The following TTC6 variants were observed in gnomAD, a reference collection of about 807,000 sequenced individuals.
TTC6 encodes the protein tetratricopeptide repeat protein 6.
A neutral mutation model predicts 210.4 loss-of-function variants in TTC6; 172 were observed. The observed-to-expected ratio is 0.82, with a 90% CI of 0.72 to 0.93. TTC6 has a LOEUF of 0.93. Ranked by LOEUF, TTC6 falls within the 40% of genes least tolerant of loss-of-function variation. The pLI, the probability that TTC6 is intolerant of heterozygous loss-of-function variation, is 0.00. For missense variants in TTC6, 2,414 were observed against 2,318.1 expected, an observed-to-expected ratio of 1.04 and a Z score of -0.85; for synonymous variants, 804 against 819.6, an observed-to-expected ratio of 0.98 and a Z score of 0.32.
chr14:37,642,279 G>A (rs904904906), intron 1 of TTC6, among the ~76,000 whole-genome samples: 34 of 152,154 alleles, frequency 2.2e-4, no homozygotes, highest in African/African-American at 8.2e-4. Context: ...TGGTAGGAGC[G>A]GTGGGTGTGG....
chr14:37,744,586 C>T (rs1052679366), intron 10 of TTC6, among the ~76,000 whole-genome samples: 2 of 152,096 alleles, frequency 1.3e-5, no homozygotes, highest in East Asian at 1.9e-4. Context: ...TGGAAAGAAG[C>T]GAGGTTGAGG....
intron 2 of TTC6, among the ~76,000 whole-genome samples, chr14:37,612,490 T>C (rs1162311495): frequency 6.6e-6 from 1 of 152,262 alleles, no homozygotes; most frequent in Non-Finnish European, 1.5e-5. Context: ...CATTTGAATT[T>C]ATGTATACAT....
Position 37,819,953 on chromosome 14 carries a change from C to A in TTC6, c.4763+2302C>A, listed in dbSNP as rs2096151672. Among the ~76,000 whole-genome samples the A allele has an allele frequency of 2.0e-5, 3 of 152,328 alleles. No homozygotes were observed. The South Asian group carries it at 6.2e-4, about 32-fold the overall frequency. On this transcript the variant is annotated intron_variant, in intron 26 of 30. Coordinates refer to ENST00000553443, the Ensembl canonical transcript of TTC6. ...TCATATTGCTCTAGATTTATGCGAA[C>A]ACATTTTATTTTAGAAAAACTCATT...
chr14:37,611,610 G>A (rs1393826327), intron 2 of TTC6, among the ~76,000 whole-genome samples: 1 of 152,138 alleles, frequency 6.6e-6, no homozygotes, highest in East Asian at 1.9e-4. Flanking sequence ...CTGGTGGAAG[G>A]GAGAGGTAGG....
intron 14 of TTC6, among the ~76,000 whole-genome samples, chr14:37,769,215 T>C (rs939788043): frequency 5.3e-5 from 8 of 152,070 alleles, no homozygotes; most frequent in African/African-American, 1.7e-4. Context: ...AGTATTTTAT[T>C]GAGGATTTTT....
chr14:37,710,939 T>C (rs1300405732), intron 5 of TTC6, among the ~76,000 whole-genome samples: 2 of 152,080 alleles, frequency 1.3e-5, no homozygotes, highest in African/African-American at 2.4e-5. Context: ...TTGAGTACCT[T>C]AGTGGTTTTC....
chr14:37,751,002 T>C, intron 12 of TTC6, 51 bp from the exon 15 acceptor site: 2 of 1,246,870 alleles, frequency 1.6e-6, no homozygotes, highest in Non-Finnish European at 2.1e-6. Flanking sequence ...AAAATTTTCA[T>C]AGGAATGAAA....
At chr14:37,798,522 T>C (rs567163876) in intron 20 of TTC6, among the ~76,000 whole-genome samples, 7 of 152,196 alleles carry the variant, frequency 4.6e-5, no homozygotes, top group African/African-American at 1.7e-4. Context: ...CTTTTGGGTT[T>C]ATAACTAGGA....
At chr14:37,690,806 A>G (rs2044919908) in intron 3 of TTC6, among the ~76,000 whole-genome samples, 1 of 151,846 alleles carries the variant, frequency 6.6e-6, no homozygotes, top group African/African-American at 2.4e-5. Context: ...ACAGCATTGG[A>G]CAGGTCTTAT....
intron 1 of TTC6, among the ~76,000 whole-genome samples, chr14:37,677,436 T>G (rs1431937383): frequency 6.6e-6 from 1 of 150,582 alleles, no homozygotes; most frequent in African/African-American, 2.4e-5. Context: ...CTCTAGTAGG[T>G]TTTTTTTGTA....
chr14:37,646,776 A>G (rs932076528), intron 1 of TTC6, among the ~76,000 whole-genome samples: 3 of 152,200 alleles, frequency 2.0e-5, no homozygotes, highest in East Asian at 3.8e-4. Flanking sequence ...ACTGCTACCA[A>G]TGCAGAATGA....
chr14:37,774,957 A>G lies in TTC6; in HGVS notation c.3267-12511A>G, dbSNP rs866312035. ...TCAGGGTCAATTTGTTCCTATTTCA[A>G]TTTTGGGAGGGTATATGTTTCCAGG... On this transcript the variant is annotated intron_variant, in intron 14 of 30. Coordinates refer to ENST00000553443, the Ensembl canonical transcript of TTC6. 2.6e-5 allele frequency among the ~76,000 whole-genome samples: 4 copies of G among 152,074 alleles called. No individual in the cohort carries two copies. The South Asian group carries it at 8.3e-4, about 32-fold the overall frequency.
At chr14:37,703,035 G>A (rs1480409916) in intron 5 of TTC6, among the ~76,000 whole-genome samples, 1 of 151,994 alleles carries the variant, frequency 6.6e-6, no homozygotes, top group Non-Finnish European at 1.5e-5. Context: ...CTGCTCCAGT[G>A]TCTCCAATAG....
At chr14:37,832,235 T>A (rs1201743418) in intron 29 of TTC6, among the ~76,000 whole-genome samples, 1 of 151,834 alleles carries the variant, frequency 6.6e-6, no homozygotes, top group Non-Finnish European at 1.5e-5. Context: ...GTTTTGTTTA[T>A]CTTTACAAAA....
upstream of TTC6, among the ~76,000 whole-genome samples, chr14:37,620,089 GA>G (rs1342615516): frequency 6.6e-6 from 1 of 152,042 alleles, no homozygotes; most frequent in Non-Finnish European, 1.5e-5. Flanking sequence ...TATTACAAAT[GA>G]AATTTTACCA....
intron 1 of TTC6, among the ~76,000 whole-genome samples, chr14:37,676,861 G>A (rs2095770950): frequency 6.6e-6 from 1 of 151,978 alleles, no homozygotes; most frequent in South Asian, 2.1e-4. Flanking sequence ...GTCGAAAGTC[G>A]ATTGAGCATG....
At position 37,724,498 on chromosome 14, in the gene TTC6, A is replaced by G. The variant is rs534096467; in HGVS notation, c.1714-400A>G. On this transcript the variant is annotated intron_variant, in intron 6 of 30. Transcript: ENST00000553443. ...TACCACATTTTATTTATGTTACTCTATTAATGGACATTTAGATTTGGTTTA... is the reference window on the plus strand; with the variant it reads ...TACCACATTTTATTTATGTTACTCTGTTAATGGACATTTAGATTTGGTTTA... Among the ~76,000 whole-genome samples, 503 of 152,266 alleles carry G rather than the reference A, an allele frequency of 3.3e-3. 8 individuals carry two copies. Among genetic ancestry groups the G allele is most frequent in the African/African-American group, 0.011 (449 of 41,556 alleles).
intron 1 of TTC6, among the ~76,000 whole-genome samples, chr14:37,650,877 A>G (rs779182759): frequency 2.6e-5 from 4 of 152,234 alleles, no homozygotes; most frequent in Non-Finnish European, 4.4e-5. Flanking sequence ...GTTACTTACA[A>G]TGCAAACTAT....
In TTC6 at chr14:37,714,916, G is replaced by A. The variant is rs1052886999; in HGVS notation, c.1713+120G>A. 7.9e-5 allele frequency: 71 copies of A among 904,242 alleles called. No homozygotes were observed. In the African/African-American group the frequency reaches 8.9e-4, roughly 11 times the overall value. 56.0% of individuals were successfully genotyped at this position (904,242 alleles called of 1,614,324 possible). On this transcript the variant is annotated intron_variant, in intron 6 of 30. Coordinates refer to ENST00000553443, the Ensembl canonical transcript of TTC6. ...GGGCTGGCCAGGTGTGGTAGCTCAC[G>A]CCTGTAATCCCAGAACTTTGGGAGG... is the stretch of plus-strand genomic sequence containing the variant.
Sources: gnomAD v4.1 joint callset for allele counts (sites outside exome capture counted in the v4.1 genomes callset) on GRCh38, gnomAD v4.1.1 for gene constraint, MANE v1.5 for transcripts, NCBI Gene and HGNC (gene_info 2026-07-23, HGNC 2026-07-21) for gene names.